Variants in ZC2HC1A observed in about 807,000 individuals in gnomAD.
ZC2HC1A encodes the protein zinc finger C2HC domain-containing protein 1A.
A neutral mutation model predicts 40.7 loss-of-function variants in ZC2HC1A; 28 were observed. The observed-to-expected ratio is 0.69, with a 90% CI of 0.51 to 0.94. The LOEUF is 0.94. Ranked by LOEUF, ZC2HC1A falls within the 40% of genes least tolerant of loss-of-function variation. The pLI is 0.00. For missense variants in ZC2HC1A, 389 were observed against 386.3 expected, an observed-to-expected ratio of 1.01 and a Z score of -0.06; for synonymous variants, 129 against 129.2, an observed-to-expected ratio of 1.00 and a Z score of 0.01.
In ZC2HC1A at chr8:78,695,582, A is replaced by G. The variant is rs377694013; in HGVS notation, c.505-1825A>G. ...TTTATAGACATAACTCTCGTAGTTT[A>G]ACAAATTTTTGTTAGAGCTTGTTTT... On this transcript the variant is annotated intron_variant, in intron 5 of 8. Transcript: ENST00000263849. Among the ~76,000 whole-genome samples, 377 of 152,320 alleles carry G rather than the reference A, an allele frequency of 2.5e-3. 3 individuals carry two copies. The highest frequency in any genetic ancestry group is 6.5e-3 in the Admixed American group (99 of 15,294).
At chr8:78,690,057 T>C (rs1191725222) in intron 5 of ZC2HC1A, among the ~76,000 whole-genome samples, 1 of 152,190 alleles carries the variant, frequency 6.6e-6, no homozygotes, top group Non-Finnish European at 1.5e-5. Context: ...TTTAAAGGAC[T>C]TTTCTTTCCC....
intron 2 of ZC2HC1A, among the ~76,000 whole-genome samples, chr8:78,677,948 T>A (rs147144546): frequency 1.2e-3 from 179 of 152,306 alleles, no homozygotes; most frequent in African/African-American, 4.1e-3. Flanking sequence ...GGATTATTCA[T>A]GCTTCCTCTT....
intron 1 of ZC2HC1A, among the ~76,000 whole-genome samples, chr8:78,675,459 G>A (rs1176755531): frequency 6.6e-6 from 1 of 151,768 alleles, no homozygotes; most frequent in African/African-American, 2.4e-5. Flanking sequence ...TTAAAATGTA[G>A]TAATTTACCA....
intron 3 of ZC2HC1A, among the ~76,000 whole-genome samples, chr8:78,681,901 C>CT (rs56181953): frequency 7.8e-4 from 98 of 126,436 alleles, no homozygotes; most frequent in Non-Finnish European, 9.9e-4. Flanking sequence ...CTTTTTCTTT[C>CT]TTTTTTTTTT....
chr8:78,680,396 G>A (rs2130453652), intron 3 of ZC2HC1A, among the ~76,000 whole-genome samples: 1 of 151,584 alleles, frequency 6.6e-6, no homozygotes, highest in East Asian at 1.9e-4. Flanking sequence ...CAGTAATAGT[G>A]GCAGTATTTG....
intron 7 of ZC2HC1A, among the ~76,000 whole-genome samples, chr8:78,709,310 G>T (rs1243260904): frequency 1.3e-5 from 2 of 152,112 alleles, no homozygotes; most frequent in Non-Finnish European, 2.9e-5. Flanking sequence ...AATGTCTTTA[G>T]TTTTTGAGTA....
In ZC2HC1A at chr8:78,687,920, ATTAT is replaced by A. The variant is rs934021825; in HGVS notation, c.353-1297_353-1294del. 5.4e-3 allele frequency among the ~76,000 whole-genome samples: 684 copies of A among 125,772 alleles called. 7 individuals carry two copies. The highest frequency in any genetic ancestry group is 0.018 in the African/African-American group (656 of 35,572). The allele number at this position is 125,772 out of a possible 152,430, so 82.5% of individuals were successfully genotyped here. On this transcript the variant is annotated intron_variant, in intron 4 of 8. Transcript: ENST00000263849. ...TTATATATATTTATATAAATATATA[ATTAT>A]TTATATCTATATTTTTATATATAAA...
chr8:78,717,279 A>G, intron 8 of ZC2HC1A, 49 bp from the exon 9 acceptor site: 1 of 1,550,774 alleles, frequency 6.4e-7, no homozygotes, highest in Non-Finnish European at 8.7e-7. Flanking sequence ...TATGGGTTGA[A>G]AACTACTGAT....
At chr8:78,669,795 A>T (rs1348225328) in intron 1 of ZC2HC1A, among the ~76,000 whole-genome samples, 1 of 151,988 alleles carries the variant, frequency 6.6e-6, no homozygotes, top group Non-Finnish European at 1.5e-5. Context: ...TTTATATATT[A>T]GTTTTTATTC....
intron 1 of ZC2HC1A, among the ~76,000 whole-genome samples, chr8:78,668,339 A>G (rs1420282936): frequency 6.6e-6 from 1 of 152,160 alleles, no homozygotes; most frequent in Non-Finnish European, 1.5e-5. Context: ...TGTTTAATAA[A>G]TATTATATTG....
chr8:78,687,575 T>A, intron 4 of ZC2HC1A, among the ~76,000 whole-genome samples: 1 of 142,812 alleles, frequency 7.0e-6, no homozygotes, highest in African/African-American at 2.5e-5. Flanking sequence ...AAATTATATA[T>A]ATTTACGTAA....
At chr8:78,678,415 G>T (rs957714870) in intron 2 of ZC2HC1A, 148 bp from the exon 3 acceptor site, 1 of 630,384 alleles carries the variant, frequency 1.6e-6, no homozygotes, top group Non-Finnish European at 2.8e-6. Context: ...TTTGGTTAAG[G>T]CAAGGTGTAT....
chr8:78,689,431 A>G (rs929778894), intron 5 of ZC2HC1A, 58 bp downstream of exon 5: 1 of 1,450,826 alleles, frequency 6.9e-7, no homozygotes, highest in Non-Finnish European at 9.2e-7. Context: ...ACATTCATAG[A>G]TTATTGTTTA....
At position 78,717,469 on chromosome 8, in the gene ZC2HC1A, T is replaced by C; in HGVS notation, c.954T>C (p.Cys318=). ...PVEWAKFCCE[C]GIRRMIL Reference sequence around the variant, plus strand: ...AATGGGCCAAATTTTGCTGTGAATGTGGCATTCGAAGAATGATTCTATGAA... The same window carrying C: ...AATGGGCCAAATTTTGCTGTGAATGCGGCATTCGAAGAATGATTCTATGAA... The change falls in exon 9 of 9, where the codon TGT becomes TGC. Residue 318 remains cysteine (C), a synonymous_variant. Coordinates refer to ENST00000263849, the MANE Select transcript of ZC2HC1A (RefSeq NM_016010.3). 6.3e-7 allele frequency: 1 copy of C among 1,585,718 alleles called. No homozygotes were observed. The highest frequency in any genetic ancestry group is 1.4e-5 in the African/African-American group (1 of 72,474).
chr8:78,715,339 C>T lies in ZC2HC1A; in HGVS notation c.812+11C>T. 1 of 1,594,594 alleles carries T rather than the reference C, an allele frequency of 6.3e-7. No individual in the cohort carries two copies. The highest frequency in any genetic ancestry group is 8.5e-7 in the Non-Finnish European group (1 of 1,170,272). On this transcript the variant is annotated intron_variant, in intron 8 of 8. Transcript: ENST00000263849. The stretch of plus-strand genomic sequence containing the variant: ...GAGCTACATAGCCAGGTATGTTTAG[C>T]TCTGCTCTCCCAATAACTAAAATAA...
At chr8:78,716,874 T>A (rs1811123839) in intron 8 of ZC2HC1A, among the ~76,000 whole-genome samples, 1 of 152,124 alleles carries the variant, frequency 6.6e-6, no homozygotes, top group African/African-American at 2.4e-5. Flanking sequence ...TTTAAAACTG[T>A]ATAGTACCTG....
chr8:78,715,321 A>G lies in ZC2HC1A; in HGVS notation c.805A>G (p.Ile269Val), dbSNP rs1811066884. ...NKRKTYTESY[I>V]ARPDGDCASS... Reference sequence around the variant, plus strand: ...AAGAAAAACATATACTGAGAGCTACATAGCCAGGTATGTTTAGCTCTGCTC... The same window carrying G: ...AAGAAAAACATATACTGAGAGCTACGTAGCCAGGTATGTTTAGCTCTGCTC... Residue 269 changes from isoleucine (I) to valine (V), a missense_variant, in exon 8 of 9, where the codon ATA becomes GTA. Coordinates refer to ENST00000263849, the MANE Select transcript of ZC2HC1A (RefSeq NM_016010.3). 2 of 1,611,682 alleles carry G rather than the reference A, an allele frequency of 1.2e-6. No homozygotes were observed. Among genetic ancestry groups the G allele is most frequent in the East Asian group, 2.2e-5 (1 of 44,788 alleles).
At chr8:78,692,457 CTCTT>C (rs1367593175) in intron 5 of ZC2HC1A, among the ~76,000 whole-genome samples, 2 of 152,118 alleles carry the variant, frequency 1.3e-5, no homozygotes, top group Non-Finnish European at 2.9e-5. Flanking sequence ...ATCATGTTTT[CTCTT>C]TCTTTGCTGG....
chr8:78,686,950 T>A (rs1343678200), intron 4 of ZC2HC1A, among the ~76,000 whole-genome samples: 1 of 151,998 alleles, frequency 6.6e-6, no homozygotes, highest in Non-Finnish European at 1.5e-5. Context: ...TCAGCAGGAG[T>A]CATATAATTA....
Sources: allele counts gnomAD v4.1 joint callset (sites outside exome capture counted in the v4.1 genomes callset), GRCh38; gene constraint gnomAD v4.1.1; transcripts MANE v1.5; gene names NCBI Gene and HGNC (gene_info 2026-07-23, HGNC 2026-07-21).